GRIN1: variants seen among roughly 807,000 people sequenced by gnomAD.
GRIN1 encodes the protein glutamate ionotropic receptor NMDA type subunit 1, also known as glutamate receptor ionotropic, NMDA 1.
Under a neutral mutation model 103.0 loss-of-function variants are expected in GRIN1, and 38 were observed. The observed-to-expected ratio is 0.37, with a 90% confidence interval of 0.28 to 0.48. The LOEUF (loss-of-function observed/expected upper bound fraction) is 0.48. Among genes scored for constraint, GRIN1 ranks in the 20% least tolerant of loss-of-function variants. The pLI, the probability that GRIN1 is intolerant of heterozygous loss-of-function variation, is 0.98. For missense variants in GRIN1, 577 were observed against 1,288.9 expected, an observed-to-expected ratio of 0.45 and a Z score of 8.46; for synonymous variants, 544 against 532.7, an observed-to-expected ratio of 1.02 and a Z score of -0.29.
At chr9:137,161,012 G>A (rs1470947863) in intron 8 of GRIN1, 44 bp from the exon 9 acceptor site, 5 of 1,611,522 alleles carry the variant, frequency 3.1e-6, no homozygotes, top group African/African-American at 1.3e-5. Context: ...GCCCTGGGCA[G>A]CCTTAGGTCG....
At chr9:137,141,962 A>C in intron 1 of GRIN1, 51 bp from the exon 2 acceptor site, 20 of 1,607,654 alleles carry the variant, frequency 1.2e-5, no homozygotes, top group Non-Finnish European at 1.6e-5. Flanking sequence ...CCTCTAACCC[A>C]GTGCCTGGCT....
Position 137,141,904 on chromosome 9 carries a change from GC to G in GRIN1, c.259-103del, listed in dbSNP as rs1199509124. ...AGCATGTACCCGAATCATGCCCCCA[GC>G]CCCCCTTAGCCTGCTGGGTTCAGCC... On this transcript the variant is annotated intron_variant, in intron 1 of 19. Coordinates refer to ENST00000371561, the MANE Select transcript of GRIN1 (RefSeq NM_007327.4). 6 of 1,160,798 alleles carry G rather than the reference GC, an allele frequency of 5.2e-6. No homozygotes were observed. In the African/African-American group the frequency reaches 9.0e-5, roughly 17 times the overall value. The allele number at this position is 1,160,798 out of a possible 1,614,324, so 71.9% of individuals were successfully genotyped here.
chr9:137,159,254 C>T (rs968402252), intron 8 of GRIN1, among the ~76,000 whole-genome samples: 4 of 152,192 alleles, frequency 2.6e-5, no homozygotes, highest in Non-Finnish European at 4.4e-5. Flanking sequence ...CATTCCTCCC[C>T]GGGCAGAGCC....
rs1206209911 is a variant in GRIN1, at chr9:137,145,709, GC to G, written c.394-12del. 1.2e-6 allele frequency: 2 copies of G among 1,609,670 alleles called. No individual in the cohort carries two copies. The highest frequency in any genetic ancestry group is 2.2e-5 in the East Asian group (1 of 44,822). Reference sequence around the variant, plus strand: ...CCGCGGGTCCACCTCAGCCCGCCGTGCCCCCGCCTCCCGCAGAGCATCCACC... The same window carrying G: ...CCGCGGGTCCACCTCAGCCCGCCGTGCCCCGCCTCCCGCAGAGCATCCACC... On this transcript the variant is annotated splice_polypyrimidine_tract_variant and intron_variant, in intron 2 of 19. Coordinates refer to ENST00000371561, the MANE Select transcript of GRIN1 (RefSeq NM_007327.4).
intron 4 of GRIN1, among the ~76,000 whole-genome samples, chr9:137,151,135 C>A (rs967933482): frequency 7.2e-6 from 1 of 139,012 alleles, no homozygotes; most frequent in Admixed American, 7.4e-5. Context: ...CCGGGGAAAG[C>A]CCTGCCCAGA....
chr9:137,142,111 G>T lies in GRIN1; in HGVS notation c.357G>T (p.Leu119=). The T allele has an allele frequency of 6.2e-7, 1 of 1,614,190 alleles. No individual in the cohort carries two copies. Among genetic ancestry groups the T allele is most frequent in the Non-Finnish European group, 8.5e-7 (1 of 1,180,022 alleles). The change falls in exon 2 of 20, where the codon CTG becomes CTT. Residue 119 remains leucine (L), a synonymous_variant. Transcript: ENST00000371561. Reference sequence around the variant, plus strand: ...CCGGCTTCTACCGCATACCCGTGCTGGGGCTGACCACCCGCATGTCCATCT... The same window carrying T: ...CCGGCTTCTACCGCATACCCGTGCTTGGGCTGACCACCCGCATGTCCATCT... The part of the protein sequence containing the change: ...YTAGFYRIPV[L]GLTTRMSIYS...
intron 8 of GRIN1, among the ~76,000 whole-genome samples, chr9:137,159,675 A>C (rs1833426365): frequency 6.6e-6 from 1 of 152,254 alleles, no homozygotes; most frequent in African/African-American, 2.4e-5. Flanking sequence ...TTCTGGCCTC[A>C]CTAATTTTTT....
chr9:137,146,603 T>TG lies in GRIN1; in HGVS notation c.570+708dup, dbSNP rs992918799. Among the ~76,000 whole-genome samples the TG allele has an allele frequency of 5.3e-5, 8 of 152,022 alleles. No homozygotes were observed. The highest frequency in any genetic ancestry group is 1.9e-4 in the East Asian group (1 of 5,162). ...CTGCAGAGAGATCAGAGCTGGGATT[T>TG]GGGGGGGTCCGAGCGACCCCTTTCC... is the stretch of plus-strand genomic sequence containing the variant. On this transcript the variant is annotated intron_variant, in intron 3 of 19. Coordinates refer to ENST00000371561, the MANE Select transcript of GRIN1 (RefSeq NM_007327.4). This position sits in a 1 kb window ranked among gnomAD's most constrained non-coding sequence, Gnocchi z 6.7.
chr9:137,168,042 G>A lies in GRIN1; in HGVS notation c.*515G>A, dbSNP rs1833972452. ...GCGGACCGGAGCGGCTGAGGACGGG[G>A]CAGAGCTGAGTCGGCTGGGCAGGGC... On this transcript the variant is annotated 3_prime_UTR_variant, in exon 20 of 20. Coordinates refer to ENST00000371561, the MANE Select transcript of GRIN1 (RefSeq NM_007327.4). The A allele has an allele frequency of 1.6e-6, 1 of 632,182 alleles. No homozygotes were observed. The highest frequency in any genetic ancestry group is 2.8e-6 in the Non-Finnish European group (1 of 353,938). The allele number at this position is 632,182 out of a possible 1,614,324, so 39.2% of individuals were successfully genotyped here.
chr9:137,144,784 GGGTGGTAGGGAC>G (rs1564343855), intron 2 of GRIN1, among the ~76,000 whole-genome samples: 18 of 18,934 alleles, frequency 9.5e-4, no homozygotes, highest in East Asian at 3.1e-3. Context: ...AGTGTCCCCA[GGGTGGTAGGGAC>G]AGGGGTGGGA....
chr9:137,157,464 C>G (rs1008148456), intron 6 of GRIN1, among the ~76,000 whole-genome samples: 1 of 152,232 alleles, frequency 6.6e-6, no homozygotes, highest in Non-Finnish European at 1.5e-5. Flanking sequence ...TCCGCCCCTA[C>G]TTTCCACACT....
intron 4 of GRIN1, among the ~76,000 whole-genome samples, chr9:137,154,047 G>A (rs111521684): frequency 6.7e-6 from 1 of 149,882 alleles, no homozygotes; most frequent in African/African-American, 2.5e-5. Flanking sequence ...CCTGACCTCA[G>A]GTGATCCGCC....
chr9:137,166,539 C>A (rs370491212), intron 19 of GRIN1, among the ~76,000 whole-genome samples: 2 of 152,254 alleles, frequency 1.3e-5, no homozygotes, highest in African/African-American at 4.8e-5. Context: ...GGAAGCGGGG[C>A]AGACCTCCAG....
intron 4 of GRIN1, among the ~76,000 whole-genome samples, chr9:137,153,045 C>A (rs1256619264): frequency 6.6e-6 from 1 of 152,042 alleles, no homozygotes; most frequent in Non-Finnish European, 1.5e-5. Context: ...AGGTCATACA[C>A]AACACATACA....
At chr9:137,141,156 C>T (rs377065315) in intron 1 of GRIN1, among the ~76,000 whole-genome samples, 14 of 152,362 alleles carry the variant, frequency 9.2e-5, no homozygotes, top group Admixed American at 6.5e-4. Context: ...AACACACCCC[C>T]GGCCAGGTAC....
At chr9:137,166,050 C>T (rs1024197715) in intron 19 of GRIN1, among the ~76,000 whole-genome samples, 2 of 152,014 alleles carry the variant, frequency 1.3e-5, no homozygotes, top group Non-Finnish European at 2.9e-5. Context: ...GGAGGTGTGG[C>T]GGCAGCTCCC....
At chr9:137,143,493 C>A (rs925055529) in intron 2 of GRIN1, among the ~76,000 whole-genome samples, 6 of 152,238 alleles carry the variant, frequency 3.9e-5, no homozygotes, top group Non-Finnish European at 8.8e-5. Context: ...GAGAAGATGG[C>A]CTTACCCAGG....
At chr9:137,145,989 CTCT>C in intron 3 of GRIN1, 87 bp downstream of exon 3, 1 of 966,030 alleles carries the variant, frequency 1.0e-6, no homozygotes, top group Non-Finnish European at 1.6e-6. Flanking sequence ...GTGTGACACC[CTCT>C]TCTTTCCATC....
intron 8 of GRIN1, among the ~76,000 whole-genome samples, chr9:137,159,240 T>C (rs1019594467): frequency 3.5e-4 from 53 of 152,244 alleles, no homozygotes; most frequent in African/African-American, 1.3e-3. Flanking sequence ...GGTGCTCTCC[T>C]GGCCATTCCT....
Sources: gnomAD v4.1 joint callset for allele counts (sites outside exome capture counted in the v4.1 genomes callset) on GRCh38, gnomAD v4.1.1 for gene constraint, Gnocchi (gnomAD v3.1) non-coding constraint, MANE v1.5 for transcripts, NCBI Gene and HGNC (gene_info 2026-07-23, HGNC 2026-07-21) for gene names.